The following CDKAL1 variants were observed in gnomAD, a reference collection of about 807,000 sequenced individuals.
CDKAL1 encodes CDKAL1 threonylcarbamoyladenosine tRNA methylthiotransferase, also known as threonylcarbamoyladenosine tRNA methylthiotransferase.
Under a neutral mutation model 68.2 loss-of-function variants are expected in CDKAL1, and 32 were observed. The observed-to-expected ratio is 0.47, with a 90% confidence interval of 0.35 to 0.63. CDKAL1 has a LOEUF of 0.63. Among genes scored for constraint, CDKAL1 ranks in the 30% least tolerant of loss-of-function variants. CDKAL1 has a pLI of 0.00. For synonymous variants in CDKAL1, 234 were observed against 244.3 expected (o/e 0.96, Z 0.39); for missense variants, 606 against 696.7 (o/e 0.87, Z 1.47).
chr6:20,590,189 A>G (rs1765532573), intron 4 of CDKAL1, among the ~76,000 whole-genome samples: 1 of 152,122 alleles, frequency 6.6e-6, no homozygotes, highest in South Asian at 2.1e-4. Flanking sequence ...TAGTCATATG[A>G]CTGTCCCCAG....
intron 2 of CDKAL1, among the ~76,000 whole-genome samples, chr6:20,545,565 T>C (rs1763566249): frequency 6.6e-6 from 1 of 152,122 alleles, no homozygotes; most frequent in African/African-American, 2.4e-5. Context: ...GCCTCCCAAG[T>C]AGCTAAAACT....
chr6:20,947,913 G>A (rs1486881104), intron 9 of CDKAL1, among the ~76,000 whole-genome samples: 7 of 151,822 alleles, frequency 4.6e-5, no homozygotes, highest in African/African-American at 7.3e-5. Context: ...ATTGTAAGTC[G>A]GGCATCATCT....
At chr6:20,812,763 A>G (rs1439431893) in intron 8 of CDKAL1, among the ~76,000 whole-genome samples, 1 of 152,196 alleles carries the variant, frequency 6.6e-6, no homozygotes, top group African/African-American at 2.4e-5. Context: ...GTAGGGCTAT[A>G]CCAACATTTG....
rs1240554787 is a variant in CDKAL1, at chr6:20,566,920, A to C, written c.286+18215A>C. Among the ~76,000 whole-genome samples, 3 of 152,098 alleles carry C rather than the reference A, an allele frequency of 2.0e-5. No individual in the cohort carries two copies. In the East Asian group the frequency reaches 5.8e-4, roughly 29 times the overall value. On this transcript the variant is annotated intron_variant, in intron 4 of 15. Transcript: ENST00000274695. ...AAACAATTTATGTACCTTAAATATA[A>C]TTCATCTTTATTATCTTTCCTCATC... is the stretch of plus-strand genomic sequence containing the variant.
intron 8 of CDKAL1, among the ~76,000 whole-genome samples, chr6:20,810,241 CCTTGCCCCTTCT>C (rs1291669541): frequency 6.6e-6 from 1 of 152,066 alleles, no homozygotes; most frequent in Non-Finnish European, 1.5e-5. Flanking sequence ...CTTCCACCAC[CCTTGCCCCTTCT>C]CTTGCCCCAG....
chr6:21,114,680 A>G (rs1448680348), intron 13 of CDKAL1, among the ~76,000 whole-genome samples: 1 of 152,156 alleles, frequency 6.6e-6, no homozygotes, highest in Non-Finnish European at 1.5e-5. Context: ...TCGAGGCTGC[A>G]GTGAGTTGTG....
At chr6:20,811,786 A>T (rs77072299) in intron 8 of CDKAL1, among the ~76,000 whole-genome samples, 84 of 122,090 alleles carry the variant, frequency 6.9e-4, no homozygotes, top group South Asian at 1.3e-3. Context: ...ACCTAGTAGT[A>T]AAAAAAAAAA....
chr6:20,902,663 A>G (rs1196555852), intron 9 of CDKAL1, among the ~76,000 whole-genome samples: 1 of 152,242 alleles, frequency 6.6e-6, no homozygotes, highest in Non-Finnish European at 1.5e-5. Context: ...TAGATTATAT[A>G]TAAAACCATA....
intron 7 of CDKAL1, among the ~76,000 whole-genome samples, chr6:20,761,996 G>C (rs970644737): frequency 5.3e-5 from 8 of 152,126 alleles, no homozygotes; most frequent in African/African-American, 1.9e-4. Flanking sequence ...ATTGATAGTT[G>C]GAGAGGCTGT....
intron 5 of CDKAL1, among the ~76,000 whole-genome samples, chr6:20,654,635 G>A (rs1768941490): frequency 6.6e-6 from 1 of 151,924 alleles, no homozygotes; most frequent in African/African-American, 2.4e-5. Context: ...TTTTATTATG[G>A]TATCAGAAGG....
At chr6:21,023,733 G>A (rs116811127) in intron 11 of CDKAL1, among the ~76,000 whole-genome samples, 1,537 of 152,066 alleles carry the variant, frequency 0.01, 25 homozygotes, top group African/African-American at 0.035. Context: ...ATTTATCTTA[G>A]AACAGTGTGC....
At chr6:20,574,149 G>A (rs2076998302) in intron 4 of CDKAL1, among the ~76,000 whole-genome samples, 1 of 152,070 alleles carries the variant, frequency 6.6e-6, no homozygotes, top group Non-Finnish European at 1.5e-5. Context: ...TTATTAGCTT[G>A]GATTAATTGG....
intron 13 of CDKAL1, among the ~76,000 whole-genome samples, chr6:21,150,464 G>A (rs1478445371): frequency 6.6e-6 from 1 of 152,138 alleles, no homozygotes; most frequent in Non-Finnish European, 1.5e-5. Flanking sequence ...TTGTTGTAAT[G>A]AAATTTTCCC....
chr6:20,942,300 C>T (rs1039911773), intron 9 of CDKAL1, among the ~76,000 whole-genome samples: 1 of 150,882 alleles, frequency 6.6e-6, no homozygotes, highest in East Asian at 2.0e-4. Flanking sequence ...GTGCTATTGT[C>T]AGTTTTTTGC....
intron 4 of CDKAL1, among the ~76,000 whole-genome samples, chr6:20,560,478 C>T (rs1039847911): frequency 6.6e-6 from 1 of 152,094 alleles, no homozygotes; most frequent in African/African-American, 2.4e-5. Context: ...TCCTCTTTGT[C>T]CATAGGAGCA....
At chr6:20,836,811 G>T (rs188804262) in intron 8 of CDKAL1, among the ~76,000 whole-genome samples, 278 of 152,240 alleles carry the variant, frequency 1.8e-3, no homozygotes, top group African/African-American at 5.8e-3. Context: ...TCAAGGAAAA[G>T]AGGTGTAATG....
In CDKAL1 at chr6:21,108,478, T is replaced by C. The variant is rs1562038028; in HGVS notation, c.1299+15T>C. The C allele has an allele frequency of 1.3e-6, 2 of 1,528,390 alleles. No homozygotes were observed. The highest frequency in any genetic ancestry group is 1.8e-6 in the Non-Finnish European group (2 of 1,115,084). The allele number at this position is 1,528,390 out of a possible 1,614,324, so 94.7% of individuals were successfully genotyped here. On this transcript the variant is annotated intron_variant, in intron 13 of 15. Transcript: ENST00000274695. The stretch of plus-strand genomic sequence containing the variant: ...ATGATCACAAGGTAAGAGAAGCATG[T>C]TAATAGCATATTAAGTATTAAAGTC...
chr6:21,140,892 G>T (rs1034334962), intron 13 of CDKAL1, among the ~76,000 whole-genome samples: 4 of 152,138 alleles, frequency 2.6e-5, no homozygotes, highest in African/African-American at 9.7e-5. Flanking sequence ...CATGGCGGGA[G>T]GCAAAAGGCA....
chr6:20,563,277 G>C lies in CDKAL1; in HGVS notation c.286+14572G>C, dbSNP rs543197143. On this transcript the variant is annotated intron_variant, in intron 4 of 15. Transcript: ENST00000274695. The stretch of plus-strand genomic sequence containing the variant: ...GCTTACAAAAATGAAGGAATTGTGA[G>C]AGTGTTCTGGAATAAATGTTATGGC... Among the ~76,000 whole-genome samples, 9 of 152,282 alleles carry C rather than the reference G, an allele frequency of 5.9e-5. No individual in the cohort carries two copies. The East Asian group carries it at 1.5e-3, about 26-fold the overall frequency.
Sources: allele counts gnomAD v4.1 joint callset (sites outside exome capture counted in the v4.1 genomes callset), GRCh38; gene constraint gnomAD v4.1.1; transcripts MANE v1.5; gene names NCBI Gene and HGNC (gene_info 2026-07-23, HGNC 2026-07-21).